DNAJC1: variants seen among roughly 807,000 people sequenced by gnomAD.
The protein encoded by DNAJC1 is dnaJ homolog subfamily C member 1.
In DNAJC1, 58 loss-of-function variants were observed where a neutral mutation model predicts 76.6. The ratio of observed to expected loss-of-function variants is 0.76; its 90% confidence interval spans 0.61 to 0.94. The LOEUF is 0.94. DNAJC1 is among the 40% of genes least tolerant of loss of function. The probability of loss-of-function intolerance (pLI) is 0.00; values close to 1 mark genes in which losing one functional copy is unlikely to be tolerated. For synonymous variants in DNAJC1, 258 were observed against 267.9 expected, an observed-to-expected ratio of 0.96 and a Z score of 0.36; for missense variants, 689 against 677.3, an observed-to-expected ratio of 1.02 and a Z score of -0.19.
chr10:22,000,642 T>C (rs1838503620), intron 1 of DNAJC1, among the ~76,000 whole-genome samples: 2 of 152,246 alleles, frequency 1.3e-5, no homozygotes, highest in Admixed American at 6.5e-5. Flanking sequence ...GAAATTCTTA[T>C]GTTGAAATCT....
At chr10:21,890,846 C>T (rs1836449340) in intron 7 of DNAJC1, among the ~76,000 whole-genome samples, 1 of 152,074 alleles carries the variant, frequency 6.6e-6, no homozygotes, top group African/African-American at 2.4e-5. Flanking sequence ...ACCAAGAATG[C>T]CTCAATTTGA....
intron 6 of DNAJC1, among the ~76,000 whole-genome samples, chr10:21,910,721 C>T (rs769424246): frequency 1.1e-4 from 17 of 151,266 alleles, no homozygotes; most frequent in Admixed American, 2.6e-4. Context: ...GGGCTTAATA[C>T]CTAGGTGATG....
At chr10:21,828,566 T>A (rs1393125094) in intron 8 of DNAJC1, among the ~76,000 whole-genome samples, 1 of 152,198 alleles carries the variant, frequency 6.6e-6, no homozygotes, top group Non-Finnish European at 1.5e-5. Flanking sequence ...TCAAAAAATT[T>A]AAACATATGA....
rs984099963 is a variant in DNAJC1 at position 22,003,715 on chromosome 10, G to A, written c.-281C>T. ...CACAGCTGTAGAGGCAGCGCCCGGC[G>A]CCTGGGCTGCACAGTGGGTGAGGCT... On this transcript the variant is annotated 5_prime_UTR_variant, in exon 1 of 12. Coordinates refer to ENST00000376980, the MANE Select transcript of DNAJC1 (RefSeq NM_022365.4). 31 of 344,562 alleles carry A rather than the reference G, an allele frequency of 9.0e-5. 1 individual carries two copies. The South Asian group carries it at 3.4e-3, about 38-fold the overall frequency. The allele number at this position is 344,562 out of a possible 1,614,324, so 21.3% of individuals were successfully genotyped here.
At chr10:21,955,267 T>C (rs181041556) in intron 1 of DNAJC1, among the ~76,000 whole-genome samples, 124 of 152,312 alleles carry the variant, frequency 8.1e-4, no homozygotes, top group Non-Finnish European at 1.3e-3. Flanking sequence ...TACTGGAACA[T>C]AGAAATTCTT....
At chr10:21,845,243 T>C (rs1835637488) in intron 8 of DNAJC1, among the ~76,000 whole-genome samples, 1 of 152,104 alleles carries the variant, frequency 6.6e-6, no homozygotes, top group South Asian at 2.1e-4. Flanking sequence ...ATTGCATAGA[T>C]TCTGATCTTC....
chr10:21,915,885 A>G (rs1049347415), intron 6 of DNAJC1, among the ~76,000 whole-genome samples: 9 of 150,918 alleles, frequency 6.0e-5, no homozygotes, highest in African/African-American at 2.2e-4. Flanking sequence ...GTGTGTGCCT[A>G]TAGTCCCAGC....
At chr10:21,938,424 A>G (rs1391218684) in intron 1 of DNAJC1, among the ~76,000 whole-genome samples, 3 of 151,854 alleles carry the variant, frequency 2.0e-5, no homozygotes, top group African/African-American at 7.2e-5. Context: ...TTGCTACGTA[A>G]TAGCACTGAA....
chr10:21,816,369 T>C (rs975240494), intron 8 of DNAJC1, among the ~76,000 whole-genome samples: 3 of 151,604 alleles, frequency 2.0e-5, no homozygotes, highest in African/African-American at 7.3e-5. Context: ...AAGAAAGAAA[T>C]GACTATCCTT....
At chr10:21,880,369 C>T (rs1836254667) in intron 8 of DNAJC1, among the ~76,000 whole-genome samples, 1 of 152,168 alleles carries the variant, frequency 6.6e-6, no homozygotes, top group African/African-American at 2.4e-5. Flanking sequence ...ATAGTAAATC[C>T]TTCCCAGAAA....
At position 21,760,328 on chromosome 10, in the gene DNAJC1, G is replaced by A. The variant is rs142907960; in HGVS notation, c.1148-710C>T. On this transcript the variant is annotated intron_variant, in intron 10 of 11. Coordinates refer to ENST00000376980, the MANE Select transcript of DNAJC1 (RefSeq NM_022365.4). ...AACAAAAGCTTTAAACCTTTTAATAGGACAGAATAGATGACAGAGCACTGA... is the reference window on the plus strand; with the variant it reads ...AACAAAAGCTTTAAACCTTTTAATAAGACAGAATAGATGACAGAGCACTGA... Among the ~76,000 whole-genome samples, 585 of 152,246 alleles carry A rather than the reference G, an allele frequency of 3.8e-3. 2 individuals are homozygous for A. Among genetic ancestry groups the A allele is most frequent in the African/African-American group, 0.014 (563 of 41,548 alleles).
chr10:21,999,644 G>A (rs1467003981), intron 1 of DNAJC1, among the ~76,000 whole-genome samples: 1 of 151,854 alleles, frequency 6.6e-6, no homozygotes, highest in Admixed American at 6.6e-5. Context: ...TAGTAGAAAC[G>A]GGGTTTTACC....
At chr10:21,954,417 GCAAAA>G (rs1433610085) in intron 1 of DNAJC1, among the ~76,000 whole-genome samples, 1 of 151,960 alleles carries the variant, frequency 6.6e-6, no homozygotes, top group Non-Finnish European at 1.5e-5. Flanking sequence ...TTTCAAAGAG[GCAAAA>G]ACTACAACTA....
At chr10:21,993,096 T>C (rs756503768) in intron 1 of DNAJC1, among the ~76,000 whole-genome samples, 2 of 113,874 alleles carry the variant, frequency 1.8e-5, no homozygotes, top group African/African-American at 3.2e-5. Context: ...TATGTTTACA[T>C]ATATACTTTT....
At chr10:21,813,204 CTCTCTCTCTCTCTCTCTATA>C (rs1482081662) in intron 8 of DNAJC1, among the ~76,000 whole-genome samples, 87 of 77,148 alleles carry the variant, frequency 1.1e-3, no homozygotes, top group African/African-American at 4.6e-3. Context: ...CTCTCTCTCT[CTCTCTCTCTCTCTCTCTATA>C]TATATATATA....
chr10:21,861,599 A>G (rs1393015464), intron 8 of DNAJC1, among the ~76,000 whole-genome samples: 4 of 152,148 alleles, frequency 2.6e-5, no homozygotes, highest in Admixed American at 6.5e-5. Context: ...GGCACAAGAT[A>G]CAGGTCATAA....
rs1835939979 is a variant in DNAJC1, at chr10:21,862,925, G to T, written c.978+19357C>A. ...AGGTAGGCGGATTACCTGAGGTTGG[G>T]AGTTCGAGACCAGCCTGACCAACAT... On this transcript the variant is annotated intron_variant, in intron 8 of 11. Coordinates refer to ENST00000376980, the MANE Select transcript of DNAJC1 (RefSeq NM_022365.4). Among the ~76,000 whole-genome samples the T allele has an allele frequency of 3.9e-5, 6 of 152,200 alleles. No individual in the cohort carries two copies. The South Asian group carries it at 1.2e-3, about 31-fold the overall frequency.
intron 1 of DNAJC1, among the ~76,000 whole-genome samples, chr10:21,971,635 C>G (rs1564841720): frequency 6.6e-6 from 1 of 151,836 alleles, no homozygotes; most frequent in African/African-American, 2.4e-5. Context: ...CAAATTTCTG[C>G]TCATGTCAGA....
Position 21,882,262 on chromosome 10 carries a change from G to C in DNAJC1, c.978+20C>G, listed in dbSNP as rs375989410. On this transcript the variant is annotated intron_variant, in intron 8 of 11. Coordinates refer to ENST00000376980, the MANE Select transcript of DNAJC1 (RefSeq NM_022365.4). ...TCTGTACATGTTTTACTCAAAACAA[G>C]TTTTATAAAGCTTATTTACCTGTTT... The C allele has an allele frequency of 2.3e-5, 37 of 1,586,102 alleles. No homozygotes were observed. In the African/African-American group the frequency reaches 4.1e-4, roughly 18 times the overall value.
Sources: allele counts gnomAD v4.1 joint callset (sites outside exome capture counted in the v4.1 genomes callset), GRCh38; gene constraint gnomAD v4.1.1; transcripts MANE v1.5; gene names NCBI Gene and HGNC (gene_info 2026-07-23, HGNC 2026-07-21).